Variants in RTN4RL1 observed in about 807,000 individuals in gnomAD.
RTN4RL1 encodes the protein reticulon 4 receptor like 1, also known as reticulon-4 receptor-like 1.
RTN4RL1 carries 7 observed loss-of-function variants against 25.6 expected under a neutral mutation model. The ratio of observed to expected loss-of-function variants is 0.27; its 90% CI spans 0.16 to 0.51. RTN4RL1 has a LOEUF of 0.51. Among genes scored for constraint, RTN4RL1 ranks in the 20% least tolerant of loss-of-function variants. The probability of loss-of-function intolerance (pLI) is 0.97; values close to 1 mark genes in which losing one functional copy is unlikely to be tolerated. For synonymous variants in RTN4RL1, 297 were observed against 288.2 expected (o/e 1.03, Z -0.31); for missense variants, 500 against 615.6 (o/e 0.81, Z 1.99).
intron 1 of RTN4RL1, among the ~76,000 whole-genome samples, chr17:2,000,822 G>A (rs1279072940): frequency 6.6e-6 from 1 of 151,916 alleles, no homozygotes. Flanking sequence ...AGCTGGCAGG[G>A]TTCTGGTTCT....
In RTN4RL1 at chr17:1,936,557, G is replaced by C. The variant is rs1299282090; in HGVS notation, c.1265C>G (p.Ala422Gly). 7 of 1,559,612 alleles carry C rather than the reference G, an allele frequency of 4.5e-6. No individual in the cohort carries two copies. Among genetic ancestry groups the C allele is most frequent in the Non-Finnish European group, 5.2e-6 (6 of 1,153,164 alleles). Residue 422 changes from alanine (A) to glycine (G), a missense_variant, in exon 2 of 2, where the codon GCC becomes GGC. Transcript: ENST00000331238. ...CAGGAGGGAGGCCCCCAGGGAACTGGCCGAGGAGGCCTGCTGCACCCCGCT... is the reference window on the plus strand; with the variant it reads ...CAGGAGGGAGGCCCCCAGGGAACTGCCCGAGGAGGCCTGCTGCACCCCGCT... ...APSGVQQASS[A>G]SSLGASLLAW...
In RTN4RL1 at chr17:1,949,178, T is replaced by C. The variant is rs548111820; in HGVS notation, c.14-11370A>G. ...GGGTTTTCTTGTGTTAGCCAGGGTG[T>C]TCTCAATCTCCGAACCTCATGATCT... On this transcript the variant is annotated intron_variant, in intron 1 of 1. Coordinates refer to ENST00000331238, the MANE Select transcript of RTN4RL1 (RefSeq NM_178568.4). Among the ~76,000 whole-genome samples the C allele has an allele frequency of 2.0e-5, 3 of 152,024 alleles. No homozygotes were observed. The South Asian group carries it at 6.2e-4, about 32-fold the overall frequency.
rs1025564890 is a variant in RTN4RL1, at chr17:1,943,323, G to A, written c.14-5515C>T. On this transcript the variant is annotated intron_variant, in intron 1 of 1. Transcript: ENST00000331238. Reference sequence around the variant, plus strand: ...CCATCCTGCACGTGGTGGGCAGGGCGTCCTCCACGAAGGGCTGGTTGGCCC... The same window carrying A: ...CCATCCTGCACGTGGTGGGCAGGGCATCCTCCACGAAGGGCTGGTTGGCCC... Among the ~76,000 whole-genome samples, 64 of 152,352 alleles carry A rather than the reference G, an allele frequency of 4.2e-4. 1 individual carries two copies. The highest frequency in any genetic ancestry group is 1.5e-3 in the African/African-American group (64 of 41,592).
rs552681795 is a variant in RTN4RL1, at chr17:2,007,902, C to T, written c.13+16951G>A. 2.6e-5 allele frequency among the ~76,000 whole-genome samples: 4 copies of T among 151,828 alleles called. No individual in the cohort carries two copies. The East Asian group carries it at 7.7e-4, about 29-fold the overall frequency. ...AGGAGGCTGCAGTGAGCCGAGATTG[C>T]GCCCCTGCACTCCAGCCTGGGTGAC... On this transcript the variant is annotated intron_variant, in intron 1 of 1. Coordinates refer to ENST00000331238, the MANE Select transcript of RTN4RL1 (RefSeq NM_178568.4).
chr17:1,967,674 C>T (rs942043744), intron 1 of RTN4RL1, among the ~76,000 whole-genome samples: 2 of 151,938 alleles, frequency 1.3e-5, no homozygotes, highest in Non-Finnish European at 2.9e-5. Context: ...CAGAGTCTCA[C>T]TGTCACCCAG....
chr17:1,981,166 T>C (rs1482101186), intron 1 of RTN4RL1, among the ~76,000 whole-genome samples: 2 of 151,244 alleles, frequency 1.3e-5, no homozygotes. Flanking sequence ...GGAGGATCAC[T>C]TGAGCCCAGT....
In RTN4RL1 at chr17:1,998,557, G is replaced by A. The variant is rs1173686339; in HGVS notation, c.13+26296C>T. ...CGCAGGTCCCTGCCGGATCCCCGGCGGCTTTCCTGCCCCCACTTTACAGAC... is the reference window on the plus strand; with the variant it reads ...CGCAGGTCCCTGCCGGATCCCCGGCAGCTTTCCTGCCCCCACTTTACAGAC... On this transcript the variant is annotated intron_variant, in intron 1 of 1. Transcript: ENST00000331238. This position sits in a 1 kb window ranked among gnomAD's most constrained non-coding sequence, Gnocchi z 4.9. Among the ~76,000 whole-genome samples the A allele has an allele frequency of 6.6e-6, 1 of 152,128 alleles. No individual in the cohort carries two copies. Among genetic ancestry groups the A allele is most frequent in the Non-Finnish European group, 1.5e-5 (1 of 68,008 alleles).
intron 1 of RTN4RL1, among the ~76,000 whole-genome samples, chr17:1,970,719 G>A (rs59124616): frequency 0.1 from 15,329 of 152,130 alleles, 1,084 homozygotes; most frequent in African/African-American, 0.18. Flanking sequence ...CGGTGGGTCC[G>A]ACAGATGGAC....
chr17:1,955,551 A>T (rs1915773487), intron 1 of RTN4RL1, among the ~76,000 whole-genome samples: 1 of 149,508 alleles, frequency 6.7e-6, no homozygotes, highest in Non-Finnish European at 1.5e-5. Context: ...GTGAGACCCT[A>T]TCTCAAAATA....
chr17:1,951,036 A>T (rs948013122), intron 1 of RTN4RL1, among the ~76,000 whole-genome samples: 1 of 151,450 alleles, frequency 6.6e-6, no homozygotes. Context: ...GAGGCTGAGG[A>T]GGGTGGATCA....
intron 1 of RTN4RL1, among the ~76,000 whole-genome samples, chr17:2,011,449 A>G (rs1388347418): frequency 6.6e-6 from 1 of 152,132 alleles, no homozygotes; most frequent in African/African-American, 2.4e-5. Flanking sequence ...TGGGAAAGCC[A>G]GGAATTGGAG....
intron 1 of RTN4RL1, among the ~76,000 whole-genome samples, chr17:2,002,444 C>T (rs1244610446): frequency 6.7e-5 from 10 of 149,846 alleles, no homozygotes; most frequent in African/African-American, 2.2e-4. Flanking sequence ...AGGCGCCCGC[C>T]ACCTCGCCTG....
intron 1 of RTN4RL1, among the ~76,000 whole-genome samples, chr17:1,958,458 TGCTTCACACTCATGAGGCC>T: frequency 6.6e-6 from 1 of 152,182 alleles, no homozygotes; most frequent in Non-Finnish European, 1.5e-5. Context: ...CCTCTTCTTG[TGCTTCACACTCATGAGGCC>T]GGGGAAATGG....
rs1390783355 is a variant in RTN4RL1, at chr17:2,025,268, G to A, written c.-403C>T. The A allele has an allele frequency of 4.2e-5, 7 of 165,078 alleles. No individual in the cohort carries two copies. Among genetic ancestry groups the A allele is most frequent in the Non-Finnish European group, 7.8e-5 (6 of 76,964 alleles). The allele number at this position is 165,078 out of a possible 1,614,324, so 10.2% of individuals were successfully genotyped here. On this transcript the variant is annotated 5_prime_UTR_variant, in exon 1 of 2. Coordinates refer to ENST00000331238, the MANE Select transcript of RTN4RL1 (RefSeq NM_178568.4). This position sits in a 1 kb window ranked among gnomAD's most constrained non-coding sequence, Gnocchi z 4.8. ...CACCGCCGCCGCGGCTGCAGCAAAAGGGCGCTCGCACGCACCGCCGAGCTC... is the reference window on the plus strand; with the variant it reads ...CACCGCCGCCGCGGCTGCAGCAAAAAGGCGCTCGCACGCACCGCCGAGCTC...
chr17:2,006,620 A>ATTTGTTTTGT (rs139318354), intron 1 of RTN4RL1, among the ~76,000 whole-genome samples: 3 of 149,976 alleles, frequency 2.0e-5, no homozygotes, highest in East Asian at 4.0e-4. Context: ...GCCTGGCCAA[A>ATTTGTTTTGT]TTTGTTTTGT....
At chr17:1,950,191 G>A (rs940861675) in intron 1 of RTN4RL1, among the ~76,000 whole-genome samples, 2 of 152,154 alleles carry the variant, frequency 1.3e-5, no homozygotes, top group Non-Finnish European at 2.9e-5. Flanking sequence ...CTGTGGCCGT[G>A]AGAGACCTTG....
intron 1 of RTN4RL1, among the ~76,000 whole-genome samples, chr17:1,962,792 G>T (rs1567510670): frequency 1.3e-5 from 2 of 150,814 alleles, no homozygotes; most frequent in African/African-American, 4.9e-5. Flanking sequence ...GAACCAGGAG[G>T]CAGAGGTTGC....
intron 1 of RTN4RL1, among the ~76,000 whole-genome samples, chr17:1,984,764 C>T (rs189745640): frequency 1.7e-4 from 26 of 152,200 alleles, no homozygotes; most frequent in African/African-American, 5.3e-4. Flanking sequence ...GTCAGGAGCT[C>T]GAAGCCAGCC....
chr17:1,986,797 C>G (rs1567517392), intron 1 of RTN4RL1, among the ~76,000 whole-genome samples: 1 of 151,692 alleles, frequency 6.6e-6, no homozygotes, highest in South Asian at 2.1e-4. Context: ...GAGTCAGGTC[C>G]GGCAGGCTGA....
Sources: gnomAD v4.1 joint callset for allele counts (sites outside exome capture counted in the v4.1 genomes callset) on GRCh38, gnomAD v4.1.1 for gene constraint, Gnocchi (gnomAD v3.1) non-coding constraint, MANE v1.5 for transcripts, NCBI Gene and HGNC (gene_info 2026-07-23, HGNC 2026-07-21) for gene names.